Variants in PRKG1 observed in about 807,000 individuals in gnomAD.
The protein encoded by PRKG1 is protein kinase cGMP-dependent 1, also known as cGMP-dependent protein kinase 1.
In PRKG1, 35 loss-of-function variants were observed where a neutral mutation model predicts 88.1. The ratio of observed to expected loss-of-function variants is 0.40; its 90% CI spans 0.30 to 0.53. PRKG1 has a LOEUF of 0.53. PRKG1 is among the 20% of genes least tolerant of loss of function. The pLI, the probability that PRKG1 is intolerant of heterozygous loss-of-function variation, is 0.59. For missense variants in PRKG1, 540 were observed against 839.8 expected (o/e 0.64, Z 4.41); for synonymous variants, 303 against 292.5 (o/e 1.04, Z -0.37).
At chr10:51,960,677 C>T (rs1246561421) in intron 5 of PRKG1, among the ~76,000 whole-genome samples, 1 of 152,074 alleles carries the variant, frequency 6.6e-6, no homozygotes, top group Non-Finnish European at 1.5e-5. Context: ...CCTGGATTTT[C>T]GCAGGCAGAT....
intron 2 of PRKG1, among the ~76,000 whole-genome samples, chr10:51,330,353 G>A (rs1324042431): frequency 1.3e-5 from 2 of 151,848 alleles, no homozygotes; most frequent in African/African-American, 2.4e-5. Context: ...GTTTCACCAT[G>A]TTGGCCAGGC....
At chr10:51,873,551 G>A (rs1229008805) in intron 4 of PRKG1, among the ~76,000 whole-genome samples, 9 of 141,064 alleles carry the variant, frequency 6.4e-5, no homozygotes, top group Non-Finnish European at 1.4e-4. Context: ...TTTTTGAGAC[G>A]GAGTCTTGCT....
intron 17 of PRKG1, among the ~76,000 whole-genome samples, chr10:52,291,981 A>C (rs1842259403): frequency 6.6e-6 from 1 of 151,986 alleles, no homozygotes; most frequent in Admixed American, 6.6e-5. Context: ...TGTTGTGTTG[A>C]TTTGCATTTC....
chr10:51,566,635 C>G (rs962928826), intron 3 of PRKG1, among the ~76,000 whole-genome samples: 2 of 151,818 alleles, frequency 1.3e-5, no homozygotes, highest in African/African-American at 4.8e-5. Flanking sequence ...GTCATTCACA[C>G]AGAGAATTAA....
At chr10:51,589,816 C>T (rs534753234) in intron 3 of PRKG1, among the ~76,000 whole-genome samples, 135 of 152,268 alleles carry the variant, frequency 8.9e-4, no homozygotes, top group African/African-American at 3.2e-3. Flanking sequence ...ACATTATTCA[C>T]TCTACGAAGA....
intron 5 of PRKG1, among the ~76,000 whole-genome samples, chr10:51,979,028 G>T: frequency 6.6e-6 from 1 of 152,066 alleles, no homozygotes; most frequent in Non-Finnish European, 1.5e-5. Flanking sequence ...CAGCATCTTT[G>T]TCTTGTGCTG....
intron 3 of PRKG1, among the ~76,000 whole-genome samples, chr10:51,612,577 C>T (rs1838939783): frequency 1.3e-5 from 2 of 151,934 alleles, no homozygotes; most frequent in Admixed American, 6.6e-5. Flanking sequence ...TAAAGAGGGA[C>T]AATTTGACTT....
intron 9 of PRKG1, among the ~76,000 whole-genome samples, chr10:52,210,486 T>C (rs1022127902): frequency 3.3e-5 from 5 of 152,178 alleles, no homozygotes; most frequent in African/African-American, 1.2e-4. Flanking sequence ...CATAGAATTC[T>C]GCTCGTTTCT....
chr10:51,230,523 G>A (rs1346380853), intron 2 of PRKG1, among the ~76,000 whole-genome samples: 1 of 152,154 alleles, frequency 6.6e-6, no homozygotes, highest in Non-Finnish European at 1.5e-5. Context: ...ACACTCGTGT[G>A]AAAAATGTCT....
chr10:51,506,023 G>GTTT (rs2132050833), intron 3 of PRKG1, among the ~76,000 whole-genome samples: 1 of 151,932 alleles, frequency 6.6e-6, no homozygotes, highest in South Asian at 2.1e-4. Flanking sequence ...GCTTTTGAAT[G>GTTT]TGACAAACCT....
chr10:52,280,717 A>AG (rs1352578331), intron 12 of PRKG1, 72 bp from the exon 13 acceptor site: 1 of 1,503,072 alleles, frequency 6.7e-7, no homozygotes, highest in African/African-American at 1.4e-5. Flanking sequence ...TAGTGAAATG[A>AG]GAAAAAAAAA....
chr10:51,217,450 A>C (rs866383673), intron 2 of PRKG1, among the ~76,000 whole-genome samples: 2 of 152,154 alleles, frequency 1.3e-5, no homozygotes, highest in South Asian at 4.1e-4. Context: ...TAAATATGCA[A>C]GTGGATGATT....
intron 2 of PRKG1, among the ~76,000 whole-genome samples, chr10:51,323,060 G>A (rs1841496100): frequency 6.6e-6 from 1 of 152,036 alleles, no homozygotes; most frequent in African/African-American, 2.4e-5. Flanking sequence ...TTTACATATG[G>A]AAAAATAGAT....
intron 9 of PRKG1, among the ~76,000 whole-genome samples, chr10:52,239,728 T>A (rs2132375234): frequency 6.6e-6 from 1 of 152,212 alleles, no homozygotes; most frequent in Non-Finnish European, 1.5e-5. Context: ...TCATTTGAAC[T>A]GGCATATGGC....
At chr10:51,639,517 G>GATGGAATC (rs1471496955) in intron 3 of PRKG1, among the ~76,000 whole-genome samples, 1 of 136,536 alleles carries the variant, frequency 7.3e-6, no homozygotes, top group African/African-American at 2.8e-5. Context: ...GAGATGGAAT[G>GATGGAATC]AGAGAAGGCA....
chr10:51,450,088 AT>A (rs1839391487), intron 2 of PRKG1, among the ~76,000 whole-genome samples: 2 of 152,102 alleles, frequency 1.3e-5, no homozygotes, highest in East Asian at 1.9e-4. Context: ...TAGGAATAAT[AT>A]TTTTTATAGG....
intron 2 of PRKG1, among the ~76,000 whole-genome samples, chr10:51,402,126 A>G (rs1422647164): frequency 6.6e-6 from 1 of 152,238 alleles, no homozygotes; most frequent in Non-Finnish European, 1.5e-5. Context: ...TGATATATTC[A>G]TTAACATTTA....
chr10:51,592,430 G>T (rs144330690), intron 3 of PRKG1, among the ~76,000 whole-genome samples: 1 of 152,138 alleles, frequency 6.6e-6, no homozygotes, highest in African/African-American at 2.4e-5. Flanking sequence ...AGCAGGGATT[G>T]TGTGCTCCAC....
intron 3 of PRKG1, among the ~76,000 whole-genome samples, chr10:51,608,879 A>G (rs1838832962): frequency 6.6e-6 from 1 of 152,146 alleles, no homozygotes; most frequent in Non-Finnish European, 1.5e-5. Context: ...TTAGTTTTTA[A>G]CAACAACAAC....
Sources: gnomAD v4.1 joint callset for allele counts (sites outside exome capture counted in the v4.1 genomes callset) on GRCh38, gnomAD v4.1.1 for gene constraint, MANE v1.5 for transcripts, NCBI Gene and HGNC (gene_info 2026-07-23, HGNC 2026-07-21) for gene names.